Variants in GRIK2 observed in about 807,000 individuals in gnomAD.
GRIK2 encodes glutamate ionotropic receptor kainate type subunit 2.
GRIK2 carries 32 observed loss-of-function variants against 100.3 expected under a neutral mutation model. The observed-to-expected ratio is 0.32, with a 90% CI of 0.24 to 0.43. GRIK2 has a LOEUF of 0.43. Ranked by LOEUF, GRIK2 falls within the 20% of genes least tolerant of loss-of-function variation. GRIK2 has a pLI of 1.00. For synonymous variants in GRIK2, 417 were observed against 389.4 expected, an observed-to-expected ratio of 1.07 and a Z score of -0.83; for missense variants, 843 against 1,114.9, an observed-to-expected ratio of 0.76 and a Z score of 3.47.
intron 2 of GRIK2, among the ~76,000 whole-genome samples, chr6:101,571,173 T>A (rs977032414): frequency 2.0e-5 from 3 of 152,192 alleles, no homozygotes; most frequent in African/African-American, 7.2e-5. Context: ...CAATATCCTT[T>A]AACTTGCATG....
chr6:101,420,209 C>T (rs1021781796), intron 2 of GRIK2, among the ~76,000 whole-genome samples: 1 of 152,156 alleles, frequency 6.6e-6, no homozygotes, highest in Non-Finnish European at 1.5e-5. Flanking sequence ...TTACCTGGGG[C>T]TTCCCACCCA....
intron 14 of GRIK2, among the ~76,000 whole-genome samples, chr6:101,978,804 A>T (rs1018897766): frequency 3.3e-5 from 5 of 152,038 alleles, no homozygotes; most frequent in Non-Finnish European, 7.4e-5. Context: ...TCAATAGAAA[A>T]GCTGTATTTA....
chr6:101,729,610 C>T (rs1488063215), intron 7 of GRIK2, among the ~76,000 whole-genome samples: 2 of 151,730 alleles, frequency 1.3e-5, no homozygotes, highest in Non-Finnish European at 2.9e-5. Flanking sequence ...TGAAATATTA[C>T]TTGTTTATTA....
intron 2 of GRIK2, among the ~76,000 whole-genome samples, chr6:101,457,482 A>G (rs1347230366): frequency 6.6e-6 from 1 of 152,040 alleles, no homozygotes; most frequent in East Asian, 1.9e-4. Flanking sequence ...TGTAATCTTT[A>G]TTGGCCAAGA....
chr6:101,486,201 C>A (rs1005255729), intron 2 of GRIK2, among the ~76,000 whole-genome samples: 3 of 151,914 alleles, frequency 2.0e-5, no homozygotes, highest in African/African-American at 7.3e-5. Context: ...AAAATAAAAG[C>A]CTTCAAGTGG....
chr6:101,758,856 CAAAA>C (rs562069515), intron 7 of GRIK2, among the ~76,000 whole-genome samples: 589 of 151,956 alleles, frequency 3.9e-3, no homozygotes, highest in Non-Finnish European at 7.3e-3. Flanking sequence ...TTTTTGGAGA[CAAAA>C]TAAATAAACT....
chr6:101,676,077 G>A (rs1185317569), intron 4 of GRIK2, among the ~76,000 whole-genome samples: 6 of 152,060 alleles, frequency 3.9e-5, no homozygotes, highest in African/African-American at 1.2e-4. Context: ...TGACTTACAA[G>A]GCCCTCTAAG....
At chr6:101,628,313 A>C in intron 4 of GRIK2, among the ~76,000 whole-genome samples, 1 of 152,070 alleles carries the variant, frequency 6.6e-6, no homozygotes, top group East Asian at 1.9e-4. Context: ...CAATTAGATA[A>C]GAAAGAGTGA....
At chr6:102,065,430 T>C (rs886662015) in intron 16 of GRIK2, among the ~76,000 whole-genome samples, 2 of 151,304 alleles carry the variant, frequency 1.3e-5, no homozygotes, top group African/African-American at 4.8e-5. Context: ...AAACACAGAG[T>C]TTACCTCTTA....
chr6:101,414,317 A>G (rs1460062126), intron 2 of GRIK2, among the ~76,000 whole-genome samples: 2 of 152,088 alleles, frequency 1.3e-5, no homozygotes, highest in Non-Finnish European at 2.9e-5. Flanking sequence ...AGCACCAGAA[A>G]CCCTCAACTA....
intron 2 of GRIK2, among the ~76,000 whole-genome samples, chr6:101,599,319 T>G (rs183716617): frequency 6.3e-4 from 96 of 151,936 alleles, no homozygotes; most frequent in African/African-American, 2.2e-3. Flanking sequence ...AGTCCCCTAT[T>G]GATGGGCACC....
At chr6:102,054,167 G>A (rs1231534917) in intron 15 of GRIK2, among the ~76,000 whole-genome samples, 2 of 152,184 alleles carry the variant, frequency 1.3e-5, no homozygotes, top group Non-Finnish European at 2.9e-5. Flanking sequence ...CAACTTTTCA[G>A]TTGAGTTTGG....
At chr6:101,409,018 A>G (rs1383312185) in intron 2 of GRIK2, among the ~76,000 whole-genome samples, 1 of 152,092 alleles carries the variant, frequency 6.6e-6, no homozygotes, top group Admixed American at 6.6e-5. Context: ...TACTATATAC[A>G]TCTTTGAGGG....
chr6:102,062,254 T>C (rs1771789485), intron 16 of GRIK2, among the ~76,000 whole-genome samples: 1 of 150,570 alleles, frequency 6.6e-6, no homozygotes, highest in Non-Finnish European at 1.5e-5. Flanking sequence ...AAGAAAGATA[T>C]GTATTTCTTT....
intron 14 of GRIK2, among the ~76,000 whole-genome samples, chr6:102,032,044 T>C (rs933871081): frequency 4.0e-5 from 6 of 151,204 alleles, no homozygotes; most frequent in Admixed American, 2.0e-4. Flanking sequence ...AACAATTGGG[T>C]GGGTATGGGG....
intron 13 of GRIK2, 102 bp downstream of exon 13, chr6:101,924,821 GCATGTAAC>G: frequency 1.4e-6 from 1 of 720,680 alleles, no homozygotes. Context: ...GTGCCTCTGT[GCATGTAAC>G]CATAATCCAG....
At chr6:101,416,977 G>A (rs945551337) in intron 2 of GRIK2, among the ~76,000 whole-genome samples, 1 of 152,146 alleles carries the variant, frequency 6.6e-6, no homozygotes, top group African/African-American at 2.4e-5. Context: ...AGGTGACTGT[G>A]CTAGTCTGTT....
intron 2 of GRIK2, among the ~76,000 whole-genome samples, chr6:101,565,959 A>ATATATATAT (rs71547433): frequency 2.2e-4 from 31 of 143,408 alleles, no homozygotes; most frequent in African/African-American, 5.4e-4. Context: ...ATATATATAT[A>ATATATATAT]AGCAAACTAG....
chr6:101,411,637 T>G (rs113406758), intron 2 of GRIK2, among the ~76,000 whole-genome samples: 10 of 152,122 alleles, frequency 6.6e-5, no homozygotes, highest in African/African-American at 2.4e-4. Context: ...TAGCAGTTGA[T>G]AATCATGTCT....
Sources: gnomAD v4.1 joint callset for allele counts (sites outside exome capture counted in the v4.1 genomes callset) on GRCh38, gnomAD v4.1.1 for gene constraint, MANE v1.5 for transcripts, NCBI Gene and HGNC (gene_info 2026-07-23, HGNC 2026-07-21) for gene names.